The following CTNNA3 variants were observed in gnomAD, a reference collection of about 807,000 sequenced individuals.
The protein encoded by CTNNA3 is catenin alpha-3.
In CTNNA3, 76 loss-of-function variants were observed where a neutral mutation model predicts 95.7. That is an observed-to-expected ratio of 0.79 (90% CI 0.66 to 0.96). The LOEUF is 0.96. CTNNA3 is among the 40% of genes least tolerant of loss of function. The pLI is 0.00. For missense variants in CTNNA3, 1,191 were observed against 1,089.8 expected, an observed-to-expected ratio of 1.09 and a Z score of -1.31; for synonymous variants, 431 against 374.4, an observed-to-expected ratio of 1.15 and a Z score of -1.74.
rs575682072 is a variant in CTNNA3, at chr10:66,932,753, C to T, written c.1048-157229G>A. Among the ~76,000 whole-genome samples the T allele has an allele frequency of 2.6e-5, 4 of 152,142 alleles. No individual in the cohort carries two copies. The East Asian group carries it at 7.7e-4, about 29-fold the overall frequency. On this transcript the variant is annotated intron_variant, in intron 7 of 17. Coordinates refer to ENST00000433211, the MANE Select transcript of CTNNA3 (RefSeq NM_013266.4). ...GTCACTGCTTTCCTAATCATAATAG[C>T]CTACAGAATTGGACCCAAATTCTTT... is the stretch of plus-strand genomic sequence containing the variant.
chr10:67,641,015 T>A (rs1839510665), intron 2 of CTNNA3, among the ~76,000 whole-genome samples: 1 of 152,078 alleles, frequency 6.6e-6, no homozygotes, highest in Non-Finnish European at 1.5e-5. Context: ...GGGATCTAAT[T>A]AAACTAAAGA....
intron 10 of CTNNA3, among the ~76,000 whole-genome samples, chr10:66,591,171 C>T (rs1454244346): frequency 6.6e-6 from 1 of 152,100 alleles, no homozygotes; most frequent in African/African-American, 2.4e-5. Flanking sequence ...TATAATTGCC[C>T]TTGCAAAAGA....
chr10:67,036,694 A>G (rs1028490379), intron 7 of CTNNA3, among the ~76,000 whole-genome samples: 1 of 152,260 alleles, frequency 6.6e-6, no homozygotes, highest in South Asian at 2.1e-4. Flanking sequence ...TTTTTAAAGG[A>G]TAAATATCGA....
chr10:66,363,365 G>A (rs1490157585), intron 12 of CTNNA3, among the ~76,000 whole-genome samples: 1 of 152,140 alleles, frequency 6.6e-6, no homozygotes, highest in Non-Finnish European at 1.5e-5. Flanking sequence ...CCCTCATAAT[G>A]GGATTAGTGC....
intron 12 of CTNNA3, among the ~76,000 whole-genome samples, chr10:66,294,683 A>G (rs1171332337): frequency 1.3e-5 from 2 of 152,164 alleles, no homozygotes; most frequent in African/African-American, 4.8e-5. Flanking sequence ...TTTATTGCTG[A>G]TTAGATGCAG....
chr10:66,873,350 A>G (rs1053321450), intron 7 of CTNNA3, among the ~76,000 whole-genome samples: 1 of 149,860 alleles, frequency 6.7e-6, no homozygotes, highest in Non-Finnish European at 1.5e-5. Flanking sequence ...CCTCAACAGC[A>G]TCTGGTTTTT....
intron 5 of CTNNA3, among the ~76,000 whole-genome samples, chr10:67,422,126 T>C (rs535176364): frequency 1.1e-4 from 16 of 152,294 alleles, no homozygotes; most frequent in Non-Finnish European, 2.1e-4. Context: ...GTACAATGCA[T>C]GACCCTGGAA....
intron 7 of CTNNA3, among the ~76,000 whole-genome samples, chr10:66,921,867 C>T (rs1049226548): frequency 6.6e-6 from 1 of 152,100 alleles, no homozygotes; most frequent in African/African-American, 2.4e-5. Flanking sequence ...CAGATGTATT[C>T]CCAGTGTCTG....
At chr10:66,433,794 T>C (rs61867192) in intron 11 of CTNNA3, among the ~76,000 whole-genome samples, 30,857 of 152,196 alleles carry the variant, frequency 0.2, 3,466 homozygotes, top group South Asian at 0.3. Context: ...TTTAAGTCTT[T>C]AATTTATCTT....
At chr10:67,681,154 C>G (rs1840619067) in intron 1 of CTNNA3, among the ~76,000 whole-genome samples, 1 of 152,092 alleles carries the variant, frequency 6.6e-6, no homozygotes, top group Non-Finnish European at 1.5e-5. Context: ...CCACAGACCA[C>G]TTGAGAACTT....
intron 5 of CTNNA3, among the ~76,000 whole-genome samples, chr10:67,394,244 C>T (rs1212101239): frequency 6.6e-6 from 1 of 150,858 alleles, no homozygotes; most frequent in Non-Finnish European, 1.5e-5. Flanking sequence ...AACTTTATAT[C>T]TCAGTATTTA....
At chr10:67,587,152 G>T (rs1842652298) in intron 3 of CTNNA3, among the ~76,000 whole-genome samples, 2 of 150,746 alleles carry the variant, frequency 1.3e-5, no homozygotes, top group African/African-American at 4.9e-5. Context: ...AGCCTCCCAA[G>T]TAGCTAGGAC....
intron 5 of CTNNA3, among the ~76,000 whole-genome samples, chr10:67,238,692 G>A (rs1055946132): frequency 1.3e-5 from 2 of 151,888 alleles, no homozygotes; most frequent in African/African-American, 4.8e-5. Context: ...TGTAAATCAT[G>A]AACGAACTTG....
At chr10:67,640,271 A>G (rs1369378310) in intron 2 of CTNNA3, among the ~76,000 whole-genome samples, 3 of 152,222 alleles carry the variant, frequency 2.0e-5, no homozygotes, top group East Asian at 3.8e-4. Context: ...CAAAGAGAAT[A>G]AAATACCTAG....
intron 15 of CTNNA3, among the ~76,000 whole-genome samples, chr10:66,049,170 A>G (rs572706349): frequency 3.3e-4 from 51 of 152,366 alleles, no homozygotes; most frequent in African/African-American, 5.0e-4. Flanking sequence ...TATCTGGCCA[A>G]TAAGCATATG....
intron 14 of CTNNA3, among the ~76,000 whole-genome samples, chr10:66,077,516 T>C (rs1321140198): frequency 1.3e-5 from 2 of 151,848 alleles, no homozygotes; most frequent in African/African-American, 4.8e-5. Flanking sequence ...TCCATGCACA[T>C]TTTACCAATA....
At chr10:66,362,731 A>AG (rs1430184119) in intron 12 of CTNNA3, among the ~76,000 whole-genome samples, 1 of 152,082 alleles carries the variant, frequency 6.6e-6, no homozygotes, top group East Asian at 2.0e-4. Context: ...CCAAAAAAAA[A>AG]AAGGTAATTT....
intron 6 of CTNNA3, among the ~76,000 whole-genome samples, chr10:67,190,882 T>A (rs181267209): frequency 1.1e-4 from 16 of 152,202 alleles, no homozygotes; most frequent in Admixed American, 5.2e-4. Context: ...TATGAAGGAT[T>A]CTTAAAACTC....
chr10:66,562,945 A>T (rs1457555144), intron 10 of CTNNA3, among the ~76,000 whole-genome samples: 4 of 152,066 alleles, frequency 2.6e-5, no homozygotes, highest in Non-Finnish European at 4.4e-5. Context: ...ACATTAAAAT[A>T]ATTTTTCGTG....
Sources: allele counts gnomAD v4.1 joint callset (sites outside exome capture counted in the v4.1 genomes callset), GRCh38; gene constraint gnomAD v4.1.1; transcripts MANE v1.5; gene names NCBI Gene and HGNC (gene_info 2026-07-23, HGNC 2026-07-21).